PDXDC1: variants seen among roughly 807,000 people sequenced by gnomAD.
PDXDC1 encodes the protein pyridoxal dependent decarboxylase domain containing 1.
A neutral mutation model predicts 100.1 loss-of-function variants in PDXDC1; 42 were observed. The observed-to-expected ratio is 0.42, with a 90% CI of 0.33 to 0.54. The LOEUF is 0.54. Among genes scored for constraint, PDXDC1 ranks in the 20% least tolerant of loss-of-function variants. PDXDC1 has a pLI of 0.10. For synonymous variants in PDXDC1, 260 were observed against 371.7 expected (o/e 0.70, Z 3.46); for missense variants, 636 against 979.2 (o/e 0.65, Z 4.68).
intron 16 of PDXDC1, chr16:15,044,577 A>G: frequency 1.6e-6 from 1 of 610,368 alleles, no homozygotes; most frequent in Non-Finnish European, 2.9e-6. Context: ...TGCCAAGGCC[A>G]GTGGCGAGCT....
intron 8 of PDXDC1, among the ~76,000 whole-genome samples, chr16:15,014,575 A>AT (rs570238625): frequency 5.0e-4 from 75 of 150,712 alleles, no homozygotes; most frequent in African/African-American, 8.2e-4. Context: ...GTCTGTTAAG[A>AT]TTTTTTTTTT....
intron 5 of PDXDC1, among the ~76,000 whole-genome samples, chr16:15,005,317 A>AAAAAAAAAG (rs5816114): frequency 8.9e-5 from 13 of 146,856 alleles, no homozygotes; most frequent in African/African-American, 1.0e-4. Context: ...AAAAAAAAAA[A>AAAAAAAAAG]AAAGAAAACT....
chr16:15,050,060 A>G (rs2044236825), intron 16 of PDXDC1, among the ~76,000 whole-genome samples: 1 of 152,196 alleles, frequency 6.6e-6, no homozygotes, highest in African/African-American at 2.4e-5. Context: ...TCAATGTTCT[A>G]TCACATAGTT....
At chr16:15,088,045 G>A (rs1295118208) in intron 16 of PDXDC1, among the ~76,000 whole-genome samples, 1 of 152,096 alleles carries the variant, frequency 6.6e-6, no homozygotes, top group Non-Finnish European at 1.5e-5. Flanking sequence ...AAAACTCGGA[G>A]GCAGAGGTTG....
intron 21 of PDXDC1, among the ~76,000 whole-genome samples, chr16:15,035,199 G>C (rs751291955): frequency 1.3e-5 from 2 of 152,206 alleles, no homozygotes; most frequent in Admixed American, 1.3e-4. Flanking sequence ...GCTACAGTAC[G>C]TTTCCCTGTT....
chr16:15,127,449 C>T lies in PDXDC1; in HGVS notation c.1400-11430C>T, dbSNP rs763764566. 9.6e-5 allele frequency: 147 copies of T among 1,534,398 alleles called. 1 individual carries two copies. The South Asian group carries it at 1.4e-3, about 14-fold the overall frequency. ...CCCAGGCTCCATTCCCAGTACTCCC[C>T]GGTCCCCAGCCCCAGCCCACCTTGC... On this transcript the variant is annotated intron_variant, in intron 16 of 16. Coordinates refer to the PDXDC1 transcript ENST00000535621.
At chr16:15,111,552 G>C (rs1221026694) in intron 16 of PDXDC1, among the ~76,000 whole-genome samples, 2 of 147,706 alleles carry the variant, frequency 1.4e-5, no homozygotes, top group African/African-American at 4.9e-5. Context: ...AAGGTCAAGA[G>C]ATGGAGACCA....
At chr16:15,111,211 C>T (rs965600736) in intron 16 of PDXDC1, among the ~76,000 whole-genome samples, 1 of 148,914 alleles carries the variant, frequency 6.7e-6, no homozygotes, top group Admixed American at 6.7e-5. Flanking sequence ...AATCCCAGCA[C>T]TTTGGGAGGC....
chr16:15,131,455 T>A lies in PDXDC1; in HGVS notation c.1400-7424T>A, dbSNP rs1426660418. 1.9e-6 allele frequency: 3 copies of A among 1,607,796 alleles called. No homozygotes were observed. The African/African-American group carries it at 4.0e-5, about 22-fold the overall frequency. ...GCTGAAAGCCTAGGGGATGGAGAAGTGGCAGCCAGGCCCTGGGGCGCCGCC... is the reference window on the plus strand; with the variant it reads ...GCTGAAAGCCTAGGGGATGGAGAAGAGGCAGCCAGGCCCTGGGGCGCCGCC... On this transcript the variant is annotated intron_variant, in intron 16 of 16. Transcript: ENST00000535621.
chr16:15,063,021 T>G (rs543689511), intron 16 of PDXDC1, among the ~76,000 whole-genome samples: 1 of 152,302 alleles, frequency 6.6e-6, no homozygotes, highest in Admixed American at 6.5e-5. Context: ...TTAAAAAAAT[T>G]TTTGTAGAAA....
chr16:15,049,305 A>C (rs928112089), intron 16 of PDXDC1, among the ~76,000 whole-genome samples: 2 of 152,222 alleles, frequency 1.3e-5, no homozygotes, highest in African/African-American at 4.8e-5. Flanking sequence ...CTGGGATTAC[A>C]TGCATAAGCC....
rs2043535290 is a variant in PDXDC1, at chr16:15,037,495, G to GATTA, written c.*1222_*1223insTAAT. The GATTA allele has an allele frequency of 6.6e-6, 1 of 152,338 alleles. No individual in the cohort carries two copies. The highest frequency in any genetic ancestry group is 1.5e-5 in the Non-Finnish European group (1 of 68,252). The allele number at this position is 152,338 out of a possible 1,614,324, so 9.4% of individuals were successfully genotyped here. On this transcript the variant is annotated 3_prime_UTR_variant, in exon 23 of 23. Transcript: ENST00000396410. Reference sequence around the variant, plus strand: ...AATGCAGGGGGTTTTTTTTGGTGCAGATGATTAAACAGTCTTCCCTATTTG... The same window carrying GATTA: ...AATGCAGGGGGTTTTTTTTGGTGCAGATTAATGATTAAACAGTCTTCCCTATTTG...
At chr16:15,004,851 A>G (rs1211187361) in intron 5 of PDXDC1, among the ~76,000 whole-genome samples, 4 of 152,276 alleles carry the variant, frequency 2.6e-5, no homozygotes, top group Admixed American at 2.6e-4. Context: ...AATACCTAAT[A>G]CGATGTAAAT....
At chr16:15,135,992 T>C (rs1430728236) in intron 16 of PDXDC1, 18 of 1,553,570 alleles carry the variant, frequency 1.2e-5, no homozygotes, top group Non-Finnish European at 1.4e-5. Flanking sequence ...CCGAGCCAGA[T>C]GCAGTGCTCG....
At chr16:15,021,799 G>A (rs1463646951) in intron 12 of PDXDC1, among the ~76,000 whole-genome samples, 6 of 152,292 alleles carry the variant, frequency 3.9e-5, no homozygotes, top group South Asian at 2.1e-4. Context: ...TCCTGAGAGC[G>A]TAAATCAGCA....
rs2041981602 is a variant in PDXDC1, at chr16:15,018,907, C to CT, written c.1034dup (p.Leu345PhefsTer7). The CT allele has an allele frequency of 6.2e-7, 1 of 1,612,998 alleles. No individual in the cohort carries two copies. Among genetic ancestry groups the CT allele is most frequent in the African/African-American group, 1.3e-5 (1 of 74,900 alleles). On this transcript the variant is annotated frameshift_variant, in exon 12 of 23. Transcript: ENST00000396410. LOFTEE classifies it high-confidence loss of function. ...CTCCGTGCCCTGCCTCTGTGGTTAT[C>CT]TTTACAATACTTGGGACTTGATGGG... is the stretch of plus-strand genomic sequence containing the variant.
chr16:15,131,692 A>G, intron 16 of PDXDC1: 2 of 1,373,202 alleles, frequency 1.5e-6, no homozygotes, highest in South Asian at 2.3e-5. Context: ...TGAGCTGGCC[A>G]GGTGGATGAG....
intron 16 of PDXDC1, chr16:15,135,878 C>A (rs1447114130): frequency 1.3e-6 from 2 of 1,564,730 alleles, no homozygotes; most frequent in African/African-American, 1.3e-5. Flanking sequence ...AAACACAAAG[C>A]AGTAGTGCCC....
chr16:15,131,246 T>G (rs770236713), intron 16 of PDXDC1: 25 of 1,592,488 alleles, frequency 1.6e-5, no homozygotes, highest in Admixed American at 5.0e-5. Context: ...TTGGGCACCT[T>G]CACGGTGATG....
Sources: gnomAD v4.1 joint callset for allele counts (sites outside exome capture counted in the v4.1 genomes callset) on GRCh38, gnomAD v4.1.1 for gene constraint, MANE v1.5 for transcripts, NCBI Gene and HGNC (gene_info 2026-07-23, HGNC 2026-07-21) for gene names.